RAB7A: variants seen among roughly 807,000 people sequenced by gnomAD.
RAB7A encodes the protein RAB7A, member RAS oncogene family, also known as ras-related protein Rab-7a.
Under a neutral mutation model 24.5 loss-of-function variants are expected in RAB7A, and 2 were observed. The ratio of observed to expected loss-of-function variants is 0.08; its 90% CI spans 0.03 to 0.26. RAB7A has a LOEUF of 0.26. Among genes scored for constraint, RAB7A ranks in the 10% least tolerant of loss-of-function variants. The pLI is 1.00. For missense variants in RAB7A, 118 were observed against 255.7 expected (o/e 0.46, Z 3.67); for synonymous variants, 100 against 95.9 (o/e 1.04, Z -0.25).
chr3:128,747,521 G>C (rs2070630154), intron 1 of RAB7A, among the ~76,000 whole-genome samples: 1 of 151,314 alleles, frequency 6.6e-6, no homozygotes, highest in Admixed American at 6.6e-5. Flanking sequence ...AGGAGGCGGA[G>C]GTTGCAGTGA....
At chr3:128,757,600 A>G (rs759015999) in intron 1 of RAB7A, among the ~76,000 whole-genome samples, 26 of 151,132 alleles carry the variant, frequency 1.7e-4, no homozygotes, top group Non-Finnish European at 3.4e-4. Flanking sequence ...GCTCACTGCA[A>G]CCTCTGCCTC....
At position 128,813,350 on chromosome 3, in the gene RAB7A, C is replaced by G. The variant is rs143140848; in HGVS notation, c.552C>G (p.Asn184Lys). The change falls in exon 6 of 6, where the codon AAC becomes AAG. Residue 184 changes from asparagine to lysine, a missense_variant. By Grantham distance (94) the Asn-to-Lys change is moderately conservative. This residue lies in a region of RAB7A where 66 missense variants were observed against 82.2 expected (regional missense o/e 0.80). Coordinates refer to ENST00000265062, the MANE Select transcript of RAB7A (RefSeq NM_004637.6). ...LKQETEVELYNEFPEPIKLDK... is the reference protein window; with the variant it reads ...LKQETEVELYKEFPEPIKLDK... Reference sequence around the variant, plus strand: ...AGGAAACGGAGGTGGAGCTGTACAACGAATTTCCTGAACCTATCAAACTGG... The same window carrying G: ...AGGAAACGGAGGTGGAGCTGTACAAGGAATTTCCTGAACCTATCAAACTGG... The G allele has an allele frequency of 6.2e-7, 1 of 1,614,188 alleles. No homozygotes were observed. The highest frequency in any genetic ancestry group is 2.2e-5 in the East Asian group (1 of 44,892).
chr3:128,795,591 T>C (rs1459458732), intron 2 of RAB7A, among the ~76,000 whole-genome samples, 171 bp downstream of exon 2: 2 of 151,926 alleles, frequency 1.3e-5, no homozygotes, highest in African/African-American at 2.4e-5. Flanking sequence ...TAACCTTTTG[T>C]TCTCTAGTTT....
chr3:128,737,878 G>A (rs2107584571), intron 1 of RAB7A, among the ~76,000 whole-genome samples: 1 of 109,568 alleles, frequency 9.1e-6, no homozygotes, highest in South Asian at 3.3e-4. Flanking sequence ...GTTTCACCGT[G>A]TTGCCTAGGC....
At chr3:128,790,669 A>G (rs936715654) in intron 1 of RAB7A, among the ~76,000 whole-genome samples, 3 of 152,168 alleles carry the variant, frequency 2.0e-5, no homozygotes, top group Admixed American at 1.3e-4. Flanking sequence ...TTATAATGCC[A>G]TATTTGTCAA....
chr3:128,804,097 G>GCTAGGGACCTCC (rs201644154), intron 3 of RAB7A, among the ~76,000 whole-genome samples: 7,621 of 151,204 alleles, frequency 0.05, 211 homozygotes, highest in Non-Finnish European at 0.057. Context: ...GCTTCATGGG[G>GCTAGGGACCTCC]CTAGGGACCT....
chr3:128,764,740 T>G, intron 1 of RAB7A: 1 of 804,310 alleles, frequency 1.2e-6, no homozygotes, highest in South Asian at 1.3e-5. Context: ...ACTCTCCCAG[T>G]CATCACAGAC....
chr3:128,738,368 T>C (rs764077773), intron 1 of RAB7A, among the ~76,000 whole-genome samples: 1 of 152,216 alleles, frequency 6.6e-6, no homozygotes, highest in Non-Finnish European at 1.5e-5. Flanking sequence ...TTTGAGGCTC[T>C]CCACAAATGG....
At position 128,731,279 on chromosome 3, in the gene RAB7A, A is replaced by G. The variant is rs142975984; in HGVS notation, c.-9+4920A>G. ...ATGAATTAACCTTAAATAACCAAGCATAGACTTTATGAAAAATAGTGTCCC... is the reference window on the plus strand; with the variant it reads ...ATGAATTAACCTTAAATAACCAAGCGTAGACTTTATGAAAAATAGTGTCCC... On this transcript the variant is annotated intron_variant, in intron 1 of 5. Transcript: ENST00000265062. Among the ~76,000 whole-genome samples, 503 of 152,360 alleles carry G rather than the reference A, an allele frequency of 3.3e-3. 4 individuals carry two copies. The highest frequency in any genetic ancestry group is 0.011 in the African/African-American group (478 of 41,574).
intron 2 of RAB7A, among the ~76,000 whole-genome samples, chr3:128,796,362 G>A (rs1933574905): frequency 6.6e-6 from 1 of 152,060 alleles, no homozygotes; most frequent in Non-Finnish European, 1.5e-5. Context: ...CGAGGCGAGA[G>A]GATGGCTTGA....
intron 1 of RAB7A, among the ~76,000 whole-genome samples, chr3:128,768,208 A>G (rs1440537907): frequency 6.6e-6 from 1 of 152,096 alleles, no homozygotes; most frequent in African/African-American, 2.4e-5. Context: ...GGGGGGGAGT[A>G]TCTGGCCTCA....
intron 2 of RAB7A, among the ~76,000 whole-genome samples, 165 bp downstream of exon 2, chr3:128,795,585 C>G (rs887814354): frequency 6.6e-6 from 1 of 151,764 alleles, no homozygotes; most frequent in Non-Finnish European, 1.5e-5. Flanking sequence ...GTTATATAAC[C>G]TTTTGTTCTC....
chr3:128,779,734 C>T (rs1933179249), intron 1 of RAB7A, among the ~76,000 whole-genome samples: 1 of 152,064 alleles, frequency 6.6e-6, no homozygotes, highest in Admixed American at 6.6e-5. Context: ...TGGGAGTAGG[C>T]ACGATACCAT....
At position 128,806,566 on chromosome 3, in the gene RAB7A, C is replaced by T. The variant is rs2107615696; in HGVS notation, c.375C>T (p.Asn125=). 3 of 1,614,006 alleles carry T rather than the reference C, an allele frequency of 1.9e-6. No individual in the cohort carries two copies. The highest frequency in any genetic ancestry group is 2.5e-6 in the Non-Finnish European group (3 of 1,179,940). ...PENFPFVVLG[N]KIDLENRQVA... The stretch of plus-strand genomic sequence containing the variant: ...ACTTCCCATTTGTTGTGTTGGGAAA[C>T]AAGATTGACCTCGAAAACAGACAAG... The change falls in exon 4 of 6, where the codon AAC becomes AAT. Residue 125 remains asparagine (N), a synonymous_variant. Coordinates refer to ENST00000265062, the MANE Select transcript of RAB7A (RefSeq NM_004637.6).
chr3:128,803,484 G>A (rs1205018752), intron 3 of RAB7A, among the ~76,000 whole-genome samples: 1 of 152,114 alleles, frequency 6.6e-6, no homozygotes, highest in Admixed American at 6.5e-5. Context: ...AACCTTTTCA[G>A]TAGAAACTGC....
chr3:128,757,965 A>AT (rs891226999), intron 1 of RAB7A, among the ~76,000 whole-genome samples: 33 of 150,154 alleles, frequency 2.2e-4, no homozygotes, highest in Admixed American at 4.6e-4. Context: ...AGCCTATTTT[A>AT]TTTTTTTTAT....
At chr3:128,780,660 T>C (rs902338565) in intron 1 of RAB7A, among the ~76,000 whole-genome samples, 3 of 152,184 alleles carry the variant, frequency 2.0e-5, no homozygotes, top group Non-Finnish European at 4.4e-5. Flanking sequence ...GACTACTGCT[T>C]CTGAATTAAA....
intron 1 of RAB7A, among the ~76,000 whole-genome samples, chr3:128,770,674 A>G (rs1302226189): frequency 6.6e-6 from 1 of 152,162 alleles, no homozygotes; most frequent in Non-Finnish European, 1.5e-5. Flanking sequence ...TCTGTAATCC[A>G]GTGGGCAGTC....
intron 1 of RAB7A, among the ~76,000 whole-genome samples, chr3:128,753,001 T>G (rs1237034007): frequency 1.3e-5 from 2 of 152,210 alleles, no homozygotes; most frequent in African/African-American, 4.8e-5. Flanking sequence ...AATGTTCTGT[T>G]GCATAAGACA....
Sources: gnomAD v4.1 joint callset for allele counts (sites outside exome capture counted in the v4.1 genomes callset) on GRCh38, gnomAD v4.1.1 for gene constraint, gnomAD v4.1.1 regional missense constraint, MANE v1.5 for transcripts, NCBI Gene and HGNC (gene_info 2026-07-23, HGNC 2026-07-21) for gene names.